TAF12: variants seen among roughly 807,000 people sequenced by gnomAD.
TAF12 encodes the protein transcription initiation factor TFIID subunit 12.
A neutral mutation model predicts 20.8 loss-of-function variants in TAF12; 3 were observed. That is an observed-to-expected ratio of 0.14 (90% CI 0.07 to 0.37). TAF12 has a LOEUF of 0.37. Ranked by LOEUF, TAF12 falls within the 10% of genes least tolerant of loss-of-function variation. TAF12 has a pLI of 1.00. For synonymous variants in TAF12, 69 were observed against 70.2 expected (o/e 0.98, Z 0.09); for missense variants, 131 against 197.9 (o/e 0.66, Z 2.03).
At chr1:28,639,193 G>C (rs1230177339) in intron 1 of TAF12, among the ~76,000 whole-genome samples, 3 of 151,640 alleles carry the variant, frequency 2.0e-5, no homozygotes, top group African/African-American at 4.8e-5. Context: ...GAGGCAGGCA[G>C]ATCATCTGAG....
At chr1:28,641,509 G>T (rs921046968) in intron 1 of TAF12, among the ~76,000 whole-genome samples, 103 of 151,912 alleles carry the variant, frequency 6.8e-4, no homozygotes, top group Middle Eastern at 3.5e-3. Flanking sequence ...AACAAAAACT[G>T]CAAGGGGGGT....
intron 1 of TAF12, among the ~76,000 whole-genome samples, chr1:28,628,677 A>T (rs981225103): frequency 7.4e-6 from 1 of 135,834 alleles, no homozygotes; most frequent in African/African-American, 2.7e-5. Context: ...AAAGACTTTA[A>T]AAAAAAAAAA....
chr1:28,622,305 A>AACTACTGG, intron 1 of TAF12, 140 bp from the exon 2 acceptor site: 2 of 666,664 alleles, frequency 3.0e-6, no homozygotes, highest in Non-Finnish European at 4.0e-6. Flanking sequence ...GCATCACTTG[A>AACTACTGG]GCCCAGTAGT....
chr1:28,642,771 G>C, intron 1 of TAF12: 2 of 984,940 alleles, frequency 2.0e-6, no homozygotes, highest in Non-Finnish European at 2.4e-6. Flanking sequence ...CGGAGAACTC[G>C]CATCCGTCCC....
intron 1 of TAF12, among the ~76,000 whole-genome samples, chr1:28,625,229 A>G (rs1041384764): frequency 1.3e-5 from 2 of 152,194 alleles, no homozygotes; most frequent in Non-Finnish European, 2.9e-5. Flanking sequence ...ATTTTTGAGT[A>G]AGAATTTGTT....
chr1:28,645,404 C>T (rs1297630691), upstream of TAF12, among the ~76,000 whole-genome samples: 24 of 142,474 alleles, frequency 1.7e-4, no homozygotes, highest in South Asian at 4.6e-4. Flanking sequence ...AATCCCAGCA[C>T]TTTGGGAGGC....
chr1:28,638,146 G>A (rs1045238541), intron 1 of TAF12, among the ~76,000 whole-genome samples: 2 of 150,558 alleles, frequency 1.3e-5, no homozygotes, highest in South Asian at 2.1e-4. Context: ...GATTACAGGC[G>A]TCTGCCACCA....
chr1:28,619,930 T>C (rs181078633), intron 2 of TAF12, among the ~76,000 whole-genome samples: 79 of 146,622 alleles, frequency 5.4e-4, no homozygotes, highest in African/African-American at 1.8e-3. Flanking sequence ...TCCTGGGTGA[T>C]AGAGCGAGAC....
intron 2 of TAF12, among the ~76,000 whole-genome samples, chr1:28,620,509 C>T (rs2124334515): frequency 6.6e-6 from 1 of 152,016 alleles, no homozygotes; most frequent in South Asian, 2.1e-4. Context: ...AATCTCTGCT[C>T]ACTGCAAGCT....
chr1:28,607,183 C>A (rs896001169), intron 4 of TAF12, among the ~76,000 whole-genome samples: 2 of 152,210 alleles, frequency 1.3e-5, no homozygotes, highest in Admixed American at 6.5e-5. Flanking sequence ...CCCAATATTT[C>A]TTTGAAAACA....
chr1:28,609,796 ATT>A (rs2124302929), intron 4 of TAF12, among the ~76,000 whole-genome samples: 1 of 150,986 alleles, frequency 6.6e-6, no homozygotes, highest in Non-Finnish European at 1.5e-5. Flanking sequence ...CCCAATTCAC[ATT>A]TGTTATGCAA....
In TAF12 at chr1:28,602,895, AC is replaced by A. The variant is rs761037651; in HGVS notation, c.*643del. 6.6e-6 allele frequency: 1 copy of A among 152,088 alleles called. No individual in the cohort carries two copies. Among genetic ancestry groups the A allele is most frequent in the South Asian group, 2.1e-4 (1 of 4,832 alleles). The allele number at this position is 152,088 out of a possible 1,614,324, so 9.4% of individuals were successfully genotyped here. ...CAGTTGAGGGCCGTGAGAGAAGGTC[AC>A]CCTACTCAATTCTTATGGCCGAGAA... On this transcript the variant is annotated 3_prime_UTR_variant, in exon 6 of 6. Coordinates refer to ENST00000373824, the MANE Select transcript of TAF12 (RefSeq NM_005644.4).
At chr1:28,608,624 G>A (rs562177307) in intron 4 of TAF12, among the ~76,000 whole-genome samples, 10 of 150,050 alleles carry the variant, frequency 6.7e-5, no homozygotes, top group Non-Finnish European at 8.9e-5. Flanking sequence ...GCGTGGTGGC[G>A]TGTGCCTGTG....
intron 1 of TAF12, among the ~76,000 whole-genome samples, chr1:28,631,442 C>T (rs148340042): frequency 0.012 from 1,803 of 151,414 alleles, 33 homozygotes; most frequent in African/African-American, 0.041. Flanking sequence ...GGAGAATCAC[C>T]GAAACCTGGG....
intron 1 of TAF12, among the ~76,000 whole-genome samples, chr1:28,638,831 A>G (rs1570342053): frequency 8.4e-6 from 1 of 119,052 alleles, no homozygotes; most frequent in Non-Finnish European, 1.6e-5. Context: ...TTGCTCTGTC[A>G]CCCGGGCTGC....
chr1:28,616,563 T>C (rs1051608722), intron 3 of TAF12, among the ~76,000 whole-genome samples: 5 of 150,850 alleles, frequency 3.3e-5, no homozygotes, highest in East Asian at 2.0e-4. Flanking sequence ...CAAAACCCCA[T>C]CTCTACTAAA....
intron 2 of TAF12, among the ~76,000 whole-genome samples, chr1:28,618,318 T>C (rs943221371): frequency 7.2e-5 from 11 of 152,164 alleles, no homozygotes; most frequent in African/African-American, 2.2e-4. Context: ...ATGTAGAAAT[T>C]TGCAATTCTC....
chr1:28,611,990 T>C (rs3001307), intron 4 of TAF12, among the ~76,000 whole-genome samples: 150,618 of 152,276 alleles, frequency 0.99, 74,496 homozygotes, highest in Middle Eastern at 1. Flanking sequence ...AAATATCTGT[T>C]CTTTTCTCTA....
At chr1:28,645,128 C>T (rs1323732131), upstream of TAF12, among the ~76,000 whole-genome samples, 4 of 152,022 alleles carry the variant, frequency 2.6e-5, no homozygotes, top group Admixed American at 2.0e-4. Flanking sequence ...TTCCGCCTCC[C>T]AGGTTCATGC....
Sources: allele counts gnomAD v4.1 joint callset (sites outside exome capture counted in the v4.1 genomes callset), GRCh38; gene constraint gnomAD v4.1.1; transcripts MANE v1.5; gene names NCBI Gene and HGNC (gene_info 2026-07-23, HGNC 2026-07-21).